The following NELL1 variants were observed in gnomAD, a reference collection of about 807,000 sequenced individuals.
NELL1 encodes neural EGFL like 1.
In NELL1, 76 loss-of-function variants were observed where a neutral mutation model predicts 107.4. The observed-to-expected ratio is 0.71, with a 90% CI of 0.59 to 0.86. The LOEUF (loss-of-function observed/expected upper bound fraction) is 0.86. Ranked by LOEUF, NELL1 falls within the 40% of genes least tolerant of loss-of-function variation. NELL1 has a pLI of 0.00. For missense variants in NELL1, 1,024 were observed against 1,005.5 expected (o/e 1.02, Z -0.25); for synonymous variants, 353 against 341.2 (o/e 1.03, Z -0.38).
chr11:21,487,860 A>G (rs1854679352), intron 15 of NELL1, among the ~76,000 whole-genome samples: 2 of 152,212 alleles, frequency 1.3e-5, no homozygotes, highest in Admixed American at 1.3e-4. Context: ...AACAGAAGCT[A>G]ACAACCGGGA....
At chr11:21,509,145 A>G (rs1264639107) in intron 15 of NELL1, among the ~76,000 whole-genome samples, 1 of 152,200 alleles carries the variant, frequency 6.6e-6, no homozygotes, top group African/African-American at 2.4e-5. Context: ...GTAATCAGGA[A>G]TATCTGAATA....
At chr11:20,977,287 CAG>C in intron 12 of NELL1, among the ~76,000 whole-genome samples, 1 of 137,274 alleles carries the variant, frequency 7.3e-6, no homozygotes, top group Admixed American at 7.8e-5. Flanking sequence ...TTTTTTGAGA[CAG>C]AGTCTCGCTC....
At chr11:21,079,288 A>G (rs1854211099) in intron 12 of NELL1, among the ~76,000 whole-genome samples, 1 of 152,104 alleles carries the variant, frequency 6.6e-6, no homozygotes. Flanking sequence ...GAAGATTGGC[A>G]GAAACAGACT....
chr11:21,462,796 T>G (rs1228317004), intron 15 of NELL1, among the ~76,000 whole-genome samples: 3 of 152,026 alleles, frequency 2.0e-5, no homozygotes, highest in Admixed American at 6.6e-5. Flanking sequence ...CAATTGTGCA[T>G]ATTTCCTGAG....
In NELL1 at chr11:21,570,933, G is replaced by A. The variant is rs778166694; in HGVS notation, c.2150G>A (p.Arg717Gln). The change falls in exon 18 of 20, where the codon CGG (arginine) becomes CAG (glutamine). Residue 717 changes from arginine (R) to glutamine (Q), a missense_variant. By Grantham distance (43) the Arg-to-Gln change is conservative. Transcript: ENST00000357134. ...DNWTHSCQQC[R>Q]CLEGEVDCWP... The stretch of plus-strand genomic sequence containing the variant: ...TGGACCCATAGCTGTCAGCAGTGTC[G>A]GTGTCTGGTATGTTGGCTTCCTTTA... 18 of 1,610,564 alleles carry A rather than the reference G, an allele frequency of 1.1e-5. No homozygotes were observed. The highest frequency in any genetic ancestry group is 6.6e-5 in the South Asian group (6 of 90,890).
chr11:21,231,008 C>G (rs1322053057), intron 14 of NELL1, among the ~76,000 whole-genome samples: 1 of 152,070 alleles, frequency 6.6e-6, no homozygotes, highest in Non-Finnish European at 1.5e-5. Flanking sequence ...ATCCATCAGT[C>G]TTGGAATGAT....
At chr11:20,751,667 C>T (rs77707342) in intron 2 of NELL1, among the ~76,000 whole-genome samples, 5,195 of 150,026 alleles carry the variant, frequency 0.035, 294 homozygotes, top group African/African-American at 0.12. Context: ...AAAAAAAACT[C>T]TTTTTAGAGA....
intron 15 of NELL1, among the ~76,000 whole-genome samples, chr11:21,422,717 C>T (rs961672486): frequency 2.0e-5 from 3 of 151,686 alleles, no homozygotes; most frequent in African/African-American, 7.3e-5. Context: ...GGAATTAATA[C>T]CCTAAACTAC....
At chr11:21,147,320 GATGT>G (rs1856003864) in intron 13 of NELL1, among the ~76,000 whole-genome samples, 1 of 152,172 alleles carries the variant, frequency 6.6e-6, no homozygotes, top group Non-Finnish European at 1.5e-5. Context: ...CTCTGTGGGA[GATGT>G]AATGTGCCGC....
intron 15 of NELL1, among the ~76,000 whole-genome samples, chr11:21,481,954 G>C (rs951683881): frequency 6.6e-6 from 1 of 152,140 alleles, no homozygotes; most frequent in Non-Finnish European, 1.5e-5. Context: ...AACCAGGTTT[G>C]AATTCAATCT....
At chr11:21,013,660 C>T (rs1235829194) in intron 12 of NELL1, among the ~76,000 whole-genome samples, 1 of 152,082 alleles carries the variant, frequency 6.6e-6, no homozygotes, top group Non-Finnish European at 1.5e-5. Flanking sequence ...ACAGAGCTTG[C>T]AGTCTTCCTT....
intron 13 of NELL1, among the ~76,000 whole-genome samples, chr11:21,183,331 C>T (rs537643415): frequency 6.6e-6 from 1 of 151,988 alleles, no homozygotes; most frequent in South Asian, 2.1e-4. Flanking sequence ...ATGATTGTTG[C>T]TGAAGTGATA....
intron 15 of NELL1, among the ~76,000 whole-genome samples, chr11:21,458,788 T>A (rs571187218): frequency 5.9e-5 from 9 of 152,200 alleles, no homozygotes; most frequent in Non-Finnish European, 1.2e-4. Flanking sequence ...TGCAGTATCA[T>A]CTCTACCTAA....
At chr11:20,890,599 A>G (rs1226106222) in intron 5 of NELL1, among the ~76,000 whole-genome samples, 2 of 152,108 alleles carry the variant, frequency 1.3e-5, no homozygotes, top group African/African-American at 2.4e-5. Context: ...AATGCAAGGA[A>G]GCTAAGAACC....
intron 15 of NELL1, among the ~76,000 whole-genome samples, chr11:21,440,305 T>TTG (rs200394012): frequency 0.057 from 6,359 of 110,864 alleles, 287 homozygotes; most frequent in East Asian, 0.3. Flanking sequence ...CAAAAGTAAG[T>TTG]TTTTTTTTTT....
At chr11:21,337,993 A>G (rs949171607) in intron 14 of NELL1, among the ~76,000 whole-genome samples, 6 of 151,824 alleles carry the variant, frequency 4.0e-5, no homozygotes, top group Admixed American at 1.3e-4. Flanking sequence ...GGGTGAATGC[A>G]TCCTAAACTG....
intron 4 of NELL1, among the ~76,000 whole-genome samples, chr11:20,870,404 G>C (rs1274608612): frequency 6.6e-6 from 1 of 151,480 alleles, no homozygotes; most frequent in African/African-American, 2.4e-5. Context: ...AGTCGCCTGT[G>C]TGTCCTTAAT....
chr11:21,220,862 AT>A (rs1857740186), intron 13 of NELL1, among the ~76,000 whole-genome samples: 1 of 151,984 alleles, frequency 6.6e-6, no homozygotes, highest in Non-Finnish European at 1.5e-5. Context: ...CCCTTTATTT[AT>A]TTCCCTTGTC....
intron 3 of NELL1, 135 bp from the exon 4 acceptor site, chr11:20,847,448 T>G (rs1564932345): frequency 4.8e-6 from 4 of 840,632 alleles, no homozygotes; most frequent in South Asian, 1.9e-5. Flanking sequence ...TGAATTGACT[T>G]GAGGTCTTGG....
Sources: gnomAD v4.1 joint callset for allele counts (sites outside exome capture counted in the v4.1 genomes callset) on GRCh38, gnomAD v4.1.1 for gene constraint, MANE v1.5 for transcripts, NCBI Gene and HGNC (gene_info 2026-07-23, HGNC 2026-07-21) for gene names.